The following NBAS variants were observed in gnomAD, a reference collection of about 807,000 sequenced individuals.
NBAS encodes NBAS subunit of NRZ tethering complex, also known as NAG/BC035112 fusion.
In NBAS, 219 loss-of-function variants were observed where a neutral mutation model predicts 302.5. The ratio of observed to expected loss-of-function variants is 0.72; its 90% confidence interval spans 0.65 to 0.81. The LOEUF is 0.81. Among genes scored for constraint, NBAS ranks in the 30% least tolerant of loss-of-function variants. The pLI, the probability that NBAS is intolerant of heterozygous loss-of-function variation, is 0.00. For synonymous variants in NBAS, 1,118 were observed against 1,021.6 expected, an observed-to-expected ratio of 1.09 and a Z score of -1.80; for missense variants, 2,932 against 2,841.6, an observed-to-expected ratio of 1.03 and a Z score of -0.72.
At chr2:15,235,735 G>A (rs1667563983) in intron 45 of NBAS, among the ~76,000 whole-genome samples, 2 of 152,194 alleles carry the variant, frequency 1.3e-5, no homozygotes, top group African/African-American at 4.8e-5. Flanking sequence ...CAAGGTGAGG[G>A]AAGGCAGCGG....
chr2:15,477,139 T>A (rs1412326187), intron 13 of NBAS, among the ~76,000 whole-genome samples: 2 of 152,250 alleles, frequency 1.3e-5, no homozygotes, highest in African/African-American at 4.8e-5. Flanking sequence ...GACAAAGTAG[T>A]ACTTTTCCTC....
At chr2:15,439,811 C>A (rs918432239) in intron 21 of NBAS, among the ~76,000 whole-genome samples, 1 of 152,198 alleles carries the variant, frequency 6.6e-6, no homozygotes, top group Non-Finnish European at 1.5e-5. Flanking sequence ...ACGAATACTG[C>A]GCTTTTCCAA....
At chr2:15,350,824 A>G (rs1673318795) in intron 35 of NBAS, among the ~76,000 whole-genome samples, 1 of 152,206 alleles carries the variant, frequency 6.6e-6, no homozygotes, top group African/African-American at 2.4e-5. Flanking sequence ...ATAACAGGCA[A>G]AGTTTAGGAA....
chr2:15,123,842 C>T, the NBAS span, among the ~76,000 whole-genome samples: 1 of 152,090 alleles, frequency 6.6e-6, no homozygotes, highest in East Asian at 1.9e-4. Context: ...TATAGCAACA[C>T]AAAAACAGAC....
intron 36 of NBAS, among the ~76,000 whole-genome samples, chr2:15,329,270 G>C (rs141571198): frequency 1.3e-5 from 2 of 152,110 alleles, no homozygotes; most frequent in Admixed American, 1.3e-4. Flanking sequence ...ATTTAATAGC[G>C]TCTCACTAAA....
chr2:14,830,329 A>C, the NBAS span, among the ~76,000 whole-genome samples: 12 of 152,146 alleles, frequency 7.9e-5, no homozygotes, highest in Non-Finnish European at 1.6e-4. Context: ...GTAATTAACC[A>C]CAACTGAGTC....
At chr2:15,420,865 G>A (rs1369899374) in intron 23 of NBAS, among the ~76,000 whole-genome samples, 2 of 152,112 alleles carry the variant, frequency 1.3e-5, no homozygotes, top group Non-Finnish European at 2.9e-5. Context: ...AAGAAAAAAT[G>A]CCACGCAATA....
intron 38 of NBAS, among the ~76,000 whole-genome samples, chr2:15,314,211 C>T (rs1671405174): frequency 6.6e-6 from 1 of 151,990 alleles, no homozygotes; most frequent in Admixed American, 6.6e-5. Context: ...AAAAAACTAT[C>T]CAGACATGAT....
intron 8 of NBAS, among the ~76,000 whole-genome samples, chr2:15,535,793 T>C (rs1663477197): frequency 6.6e-6 from 1 of 152,130 alleles, no homozygotes; most frequent in Non-Finnish European, 1.5e-5. Flanking sequence ...AATCTACAAA[T>C]GCAGAACCCA....
At chr2:15,244,038 G>A (rs1313668064) in intron 44 of NBAS, among the ~76,000 whole-genome samples, 5 of 152,164 alleles carry the variant, frequency 3.3e-5, no homozygotes, top group African/African-American at 1.2e-4. Context: ...TCCTTAAACA[G>A]AAACCTGATA....
chr2:15,183,802 G>C (rs1664941891), intron 50 of NBAS, among the ~76,000 whole-genome samples: 1 of 152,194 alleles, frequency 6.6e-6, no homozygotes, highest in Non-Finnish European at 1.5e-5. Flanking sequence ...CCTTCCCATG[G>C]AGTGTGTGAG....
the NBAS span, among the ~76,000 whole-genome samples, chr2:15,051,418 A>C: frequency 4.6e-5 from 7 of 152,342 alleles, 1 homozygote; most frequent in East Asian, 1.4e-3. Context: ...GGTGGCTGAC[A>C]GAAGCACAGG....
Position 15,308,284 on chromosome 2 carries a change from A to G in NBAS, c.4729T>C (p.Tyr1577His). The change falls in exon 40 of 52, where the codon TAC becomes CAC. Residue 1577 changes from tyrosine (Y) to histidine (H), a missense_variant. Tyr to His is a moderately conservative substitution (Grantham distance 83). Transcript: ENST00000281513. ...SALSLQLAAY[Y>H]YSLQIYARLA... ...CGGGCATAGATCTGGAGGCTATAGT[A>G]ATACGCTGCCAGCTGGAGAGATAAT... 1.9e-6 allele frequency: 3 copies of G among 1,614,206 alleles called. No homozygotes were observed. The highest frequency in any genetic ancestry group is 2.5e-6 in the Non-Finnish European group (3 of 1,180,030).
At chr2:14,985,247 A>C in the NBAS span, among the ~76,000 whole-genome samples, 1 of 152,194 alleles carries the variant, frequency 6.6e-6, no homozygotes, top group African/African-American at 2.4e-5. Flanking sequence ...TATAATGAGA[A>C]GAGGGATTAA....
the NBAS span, among the ~76,000 whole-genome samples, chr2:15,159,948 T>C: frequency 1.3e-5 from 2 of 152,148 alleles, no homozygotes; most frequent in Non-Finnish European, 2.9e-5. Flanking sequence ...TCTGTGAGCC[T>C]CACAATGCTC....
At chr2:15,354,853 T>C (rs1467559936) in intron 33 of NBAS, among the ~76,000 whole-genome samples, 1 of 152,174 alleles carries the variant, frequency 6.6e-6, no homozygotes, top group East Asian at 1.9e-4. Context: ...CTGATCAAAT[T>C]ACTTATCCCT....
chr2:14,848,851 C>T, the NBAS span, among the ~76,000 whole-genome samples: 26 of 151,382 alleles, frequency 1.7e-4, no homozygotes. Flanking sequence ...TCCAACAGAC[C>T]TGCAGCTGAG....
the NBAS span, among the ~76,000 whole-genome samples, chr2:15,136,833 A>G: frequency 6.6e-6 from 1 of 152,128 alleles, no homozygotes; most frequent in African/African-American, 2.4e-5. Flanking sequence ...TGATGGTTTA[A>G]AAGTGTGCGG....
the NBAS span, among the ~76,000 whole-genome samples, chr2:14,890,120 A>G: frequency 6.6e-6 from 1 of 152,188 alleles, no homozygotes; most frequent in South Asian, 2.1e-4. Flanking sequence ...CCCTTAGAAG[A>G]CCTACTGTTT....
Sources: gnomAD v4.1 joint callset for allele counts (sites outside exome capture counted in the v4.1 genomes callset) on GRCh38, gnomAD v4.1.1 for gene constraint, MANE v1.5 for transcripts, NCBI Gene and HGNC (gene_info 2026-07-23, HGNC 2026-07-21) for gene names.